CEP89: variants seen among roughly 807,000 people sequenced by gnomAD.
CEP89 encodes the protein centrosomal protein 89.
A neutral mutation model predicts 97.6 loss-of-function variants in CEP89; 95 were observed. The ratio of observed to expected loss-of-function variants is 0.97; its 90% CI spans 0.82 to 1.15. CEP89 has a LOEUF of 1.15. CEP89 is among the 50% of genes most tolerant of loss of function. The probability of loss-of-function intolerance (pLI) is 0.00; values close to 1 mark genes in which losing one functional copy is unlikely to be tolerated. For synonymous variants in CEP89, 354 were observed against 349.1 expected (o/e 1.01, Z -0.16); for missense variants, 869 against 947.7 (o/e 0.92, Z 1.09).
At chr19:32,899,788 A>T (rs1210749501) in intron 16 of CEP89, 69 bp downstream of exon 16, 2 of 1,470,826 alleles carry the variant, frequency 1.4e-6, no homozygotes, top group East Asian at 2.3e-5. Flanking sequence ...ATCATTTTTT[A>T]AAATACTCTT....
At chr19:32,893,107 G>GA (rs35600849) in intron 16 of CEP89, among the ~76,000 whole-genome samples, 15,987 of 145,760 alleles carry the variant, frequency 0.11, 1,061 homozygotes, top group East Asian at 0.28. Context: ...ATGGATATCA[G>GA]AAAAAAAAAA....
At chr19:32,946,160 C>A (rs1035601960) in intron 5 of CEP89, among the ~76,000 whole-genome samples, 3 of 152,180 alleles carry the variant, frequency 2.0e-5, no homozygotes, top group African/African-American at 7.2e-5. Flanking sequence ...TGCAATGGCA[C>A]TATCACATCT....
intron 1 of CEP89, chr19:32,971,572 G>A: frequency 1.7e-6 from 1 of 577,250 alleles, no homozygotes; most frequent in Non-Finnish European, 3.1e-6. Context: ...TGGGAAGATC[G>A]CTTGAGCCCA....
At chr19:32,931,689 T>C (rs1248754395) in intron 8 of CEP89, 118 bp from the exon 9 acceptor site, 1 of 715,398 alleles carries the variant, frequency 1.4e-6, no homozygotes, top group Admixed American at 3.4e-5. Context: ...CAATGAACTG[T>C]GTGTGCGTGT....
intron 4 of CEP89, among the ~76,000 whole-genome samples, 167 bp from the exon 5 acceptor site, chr19:32,948,535 G>T (rs1970845558): frequency 6.6e-6 from 1 of 152,146 alleles, no homozygotes; most frequent in South Asian, 2.1e-4. Flanking sequence ...CGTATATCAG[G>T]TGGGGCTGGA....
At chr19:32,912,755 A>C (rs1230735828) in intron 14 of CEP89, among the ~76,000 whole-genome samples, 1 of 152,084 alleles carries the variant, frequency 6.6e-6, no homozygotes, top group Non-Finnish European at 1.5e-5. Flanking sequence ...AATTTATATA[A>C]AATATGGCCG....
chr19:32,961,751 C>T (rs1219097976), intron 2 of CEP89, among the ~76,000 whole-genome samples: 1 of 151,950 alleles, frequency 6.6e-6, no homozygotes, highest in Non-Finnish European at 1.5e-5. Context: ...TCAAGTGATC[C>T]TCCCACCTCA....
chr19:32,957,387 G>A (rs1256012051), intron 3 of CEP89, among the ~76,000 whole-genome samples: 11 of 144,100 alleles, frequency 7.6e-5, no homozygotes, highest in South Asian at 4.5e-4. Flanking sequence ...GTGTATGTGC[G>A]TGCATGAGCA....
chr19:32,935,612 G>A (rs776688711), intron 7 of CEP89, among the ~76,000 whole-genome samples: 37 of 152,206 alleles, frequency 2.4e-4, no homozygotes, highest in Non-Finnish European at 1.5e-4. Flanking sequence ...TTGAAAGGGT[G>A]CAAATAAAGT....
Position 32,948,273 on chromosome 19 carries a change from T to C in CEP89, c.588A>G (p.Gln196=). The part of the protein sequence containing the change: ...PGSPPAPQRT[Q]QKDGKHPVLN... ...GTGGTTTTTTTTTTCTACCTTTTTGTTGTGTCCGCTGTGGTGCAGGAGGGG... is the reference window on the plus strand; with the variant it reads ...GTGGTTTTTTTTTTCTACCTTTTTGCTGTGTCCGCTGTGGTGCAGGAGGGG... Residue 196 remains glutamine (Q), a synonymous_variant, in exon 5 of 19, where the codon CAA becomes CAG. Transcript: ENST00000305768. 6.4e-7 allele frequency: 1 copy of C among 1,572,272 alleles called. No homozygotes were observed. The highest frequency in any genetic ancestry group is 8.6e-7 in the Non-Finnish European group (1 of 1,157,120).
At chr19:32,951,534 T>TATACACACACAC (rs1407110112) in intron 4 of CEP89, among the ~76,000 whole-genome samples, 12 of 122,040 alleles carry the variant, frequency 9.8e-5, no homozygotes, top group African/African-American at 3.8e-4. Context: ...TATATATATA[T>TATACACACACAC]ACACACACAC....
chr19:32,900,063 ATATCTG>A, intron 15 of CEP89, 65 bp from the exon 16 acceptor site: 1 of 1,455,378 alleles, frequency 6.9e-7, no homozygotes, highest in Non-Finnish European at 9.6e-7. Flanking sequence ...GGCATGGTGA[ATATCTG>A]TATTACAAAA....
chr19:32,908,485 A>T (rs1969935289), intron 14 of CEP89, among the ~76,000 whole-genome samples: 1 of 152,180 alleles, frequency 6.6e-6, no homozygotes, highest in African/African-American at 2.4e-5. Context: ...CGGTGTTTGG[A>T]GAGAGAATTT....
rs116387582 is a variant in CEP89, at chr19:32,937,458, G to A, written c.667+173C>T. The stretch of plus-strand genomic sequence containing the variant: ...CCCTCCCAGGACCCAAGCACATCCT[G>A]TATGGACATACGTCCACTACCTAGT... On this transcript the variant is annotated intron_variant, in intron 7 of 18. Coordinates refer to ENST00000305768, the MANE Select transcript of CEP89 (RefSeq NM_032816.5). 596 of 605,870 alleles carry A rather than the reference G, an allele frequency of 9.8e-4. 2 individuals carry two copies. Among genetic ancestry groups the A allele is most frequent in the African/African-American group, 8.1e-3 (431 of 53,032 alleles). The allele number at this position is 605,870 out of a possible 1,614,324, so 37.5% of individuals were successfully genotyped here. A position where few individuals can be genotyped will look rare whatever the true frequency, so the allele number is the denominator to read the frequency against.
chr19:32,901,323 A>T lies in CEP89; in HGVS notation c.1655T>A (p.Leu552Gln), dbSNP rs1969765880. The change falls in exon 15 of 19, where the codon CTG (leucine) becomes CAG (glutamine). Residue 552 changes from leucine (L) to glutamine (Q), a missense_variant. Physicochemically the swap from Leu to Gln is moderately radical, Grantham distance 113. Transcript: ENST00000305768. Reference sequence around the variant, plus strand: ...TGTCAAACTGTTCTTCTCTAACAGCAGGCTCTTCTTCTGCGCTTGCAGGAC... The same window carrying T: ...TGTCAAACTGTTCTTCTCTAACAGCTGGCTCTTCTTCTGCGCTTGCAGGAC... Reference protein sequence around the residue: ...LTVLQAQKKSLLLEKNSLTEQ... With the variant: ...LTVLQAQKKSQLLEKNSLTEQ... 3 of 1,614,184 alleles carry T rather than the reference A, an allele frequency of 1.9e-6. No individual in the cohort carries two copies. Among genetic ancestry groups the T allele is most frequent in the Non-Finnish European group, 2.5e-6 (3 of 1,180,032 alleles).
At chr19:32,932,007 C>T (rs1349961557) in intron 8 of CEP89, among the ~76,000 whole-genome samples, 1 of 152,062 alleles carries the variant, frequency 6.6e-6, no homozygotes, top group Admixed American at 6.6e-5. Flanking sequence ...CGGTGAAACC[C>T]CGTCTCTACT....
intron 12 of CEP89, among the ~76,000 whole-genome samples, chr19:32,921,343 T>G (rs557425006): frequency 1.3e-5 from 2 of 152,270 alleles, no homozygotes; most frequent in South Asian, 4.1e-4. Context: ...CGGCAAGGTC[T>G]GCCCACCAAG....
chr19:32,912,401 A>C (rs1344905659), intron 14 of CEP89, among the ~76,000 whole-genome samples: 1 of 152,108 alleles, frequency 6.6e-6, no homozygotes, highest in East Asian at 1.9e-4. Flanking sequence ...AATGTAGGTG[A>C]GCCTAATCTA....
intron 4 of CEP89, among the ~76,000 whole-genome samples, 160 bp from the exon 5 acceptor site, chr19:32,948,528 A>G (rs1007568742): frequency 1.3e-5 from 2 of 152,182 alleles, no homozygotes; most frequent in Non-Finnish European, 2.9e-5. Context: ...CAAAAGGCGT[A>G]TATCAGGTGG....
Sources: allele counts gnomAD v4.1 joint callset (sites outside exome capture counted in the v4.1 genomes callset), GRCh38; gene constraint gnomAD v4.1.1; transcripts MANE v1.5; gene names NCBI Gene and HGNC (gene_info 2026-07-23, HGNC 2026-07-21).